The following SPEF2 variants were observed in gnomAD, a reference collection of about 807,000 sequenced individuals.
SPEF2 encodes sperm flagella and cilia-associated protein 2.
In SPEF2, 187 loss-of-function variants were observed where a neutral mutation model predicts 224.6. The observed-to-expected ratio is 0.83, with a 90% CI of 0.74 to 0.94. The LOEUF (loss-of-function observed/expected upper bound fraction) is 0.94. Among genes scored for constraint, SPEF2 ranks in the 40% least tolerant of loss-of-function variants. The pLI, the probability that SPEF2 is intolerant of heterozygous loss-of-function variation, is 0.00. For missense variants in SPEF2, 2,170 were observed against 2,135.6 expected, an observed-to-expected ratio of 1.02 and a Z score of -0.32; for synonymous variants, 715 against 707.3, an observed-to-expected ratio of 1.01 and a Z score of -0.17.
chr5:35,807,627 T>C (rs933355140), intron 36 of SPEF2: 39 of 1,534,690 alleles, frequency 2.5e-5, no homozygotes, highest in Non-Finnish European at 3.2e-5. Context: ...CATTGTACTC[T>C]AATCACGCAA....
intron 26 of SPEF2, among the ~76,000 whole-genome samples, chr5:35,770,541 C>T (rs1451924158): frequency 6.6e-6 from 1 of 152,170 alleles, no homozygotes; most frequent in Admixed American, 6.5e-5. Context: ...CCCCTGGTAA[C>T]CACTCTTGTA....
Sources: allele counts gnomAD v4.1 joint callset (sites outside exome capture counted in the v4.1 genomes callset), GRCh38; gene constraint gnomAD v4.1.1; transcripts MANE v1.5; gene names NCBI Gene and HGNC (gene_info 2026-07-23, HGNC 2026-07-21).